Variants in WBP2NL observed in about 807,000 individuals in gnomAD.
WBP2NL encodes postacrosomal sheath WW domain-binding protein.
A neutral mutation model predicts 23.3 loss-of-function variants in WBP2NL; 27 were observed. That is an observed-to-expected ratio of 1.16 (90% confidence interval 0.85 to 1.60). The LOEUF is 1.60. Among genes scored for constraint, WBP2NL ranks in the 40% most tolerant of loss-of-function variants. The pLI is 0.00. For missense variants in WBP2NL, 370 were observed against 389.5 expected (o/e 0.95, Z 0.42); for synonymous variants, 151 against 145.9 (o/e 1.03, Z -0.25).
At chr22:42,056,125 T>C (rs1452732974) in intron 8 of WBP2NL, among the ~76,000 whole-genome samples, 1 of 152,228 alleles carries the variant, frequency 6.6e-6, no homozygotes, top group African/African-American at 2.4e-5. Flanking sequence ...CTGCCTTTTT[T>C]GTGTTAGACA....
chr22:42,055,051 T>A (rs1925981067), intron 8 of WBP2NL, among the ~76,000 whole-genome samples: 1 of 152,188 alleles, frequency 6.6e-6, no homozygotes, highest in African/African-American at 2.4e-5. Context: ...CTTTTCTTTT[T>A]TTTCTTGAGA....
At chr22:42,050,894 G>A (rs1241694471) in intron 8 of WBP2NL, among the ~76,000 whole-genome samples, 1 of 152,178 alleles carries the variant, frequency 6.6e-6, no homozygotes, top group African/African-American at 2.4e-5. Flanking sequence ...ATTGCTTCCT[G>A]GGAGTACAAA....
At chr22:42,013,308 C>T (rs1203873497) in intron 1 of WBP2NL, among the ~76,000 whole-genome samples, 1 of 151,568 alleles carries the variant, frequency 6.6e-6, no homozygotes, top group East Asian at 1.9e-4. Context: ...ATCACTTGAA[C>T]CTGGGAGGTG....
At chr22:42,049,705 CAAAAAAAAA>C (rs1158837575) in intron 8 of WBP2NL, among the ~76,000 whole-genome samples, 32 of 37,484 alleles carry the variant, frequency 8.5e-4, no homozygotes, top group South Asian at 5.3e-3. Flanking sequence ...CAAAACAAAA[CAAAAAAAAA>C]AAAAAAAAAA....
chr22:42,038,325 C>A (rs1329000895), intron 8 of WBP2NL, among the ~76,000 whole-genome samples: 5 of 151,906 alleles, frequency 3.3e-5, no homozygotes, highest in African/African-American at 1.2e-4. Context: ...TGGATAAATC[C>A]CACTCTATCA....
intron 5 of WBP2NL, among the ~76,000 whole-genome samples, chr22:42,023,688 G>A (rs1420453569): frequency 6.6e-6 from 1 of 151,638 alleles, no homozygotes; most frequent in Admixed American, 6.6e-5. Flanking sequence ...GTAGAGACGG[G>A]ATTTCACTGT....
chr22:42,042,881 G>C (rs1925445222), intron 8 of WBP2NL, among the ~76,000 whole-genome samples: 1 of 152,078 alleles, frequency 6.6e-6, no homozygotes, highest in Non-Finnish European at 1.5e-5. Context: ...GGGCAACACG[G>C]TGAAACCCTG....
chr22:42,034,599 C>G (rs1043884398), downstream of WBP2NL, among the ~76,000 whole-genome samples: 18 of 152,306 alleles, frequency 1.2e-4, no homozygotes, highest in Non-Finnish European at 2.2e-4. Flanking sequence ...ATCACCCGGT[C>G]TGACCAAAGT....
chr22:42,041,481 T>TAAAA (rs35848343), intron 8 of WBP2NL, among the ~76,000 whole-genome samples: 2,917 of 112,648 alleles, frequency 0.026, 130 homozygotes, highest in African/African-American at 0.1. Context: ...GTTCTGTCTT[T>TAAAA]AAAAAAAAAA....
In WBP2NL at chr22:42,009,150, A is replaced by G. The variant is rs1011728213; in HGVS notation, c.63-10161A>G. Among the ~76,000 whole-genome samples, 3 of 152,314 alleles carry G rather than the reference A, an allele frequency of 2.0e-5. No homozygotes were observed. The East Asian group carries it at 5.8e-4, about 29-fold the overall frequency. On this transcript the variant is annotated intron_variant, in intron 1 of 5. Coordinates refer to ENST00000328823, the MANE Select transcript of WBP2NL (RefSeq NM_152613.3). ...TGGCTGGTCTTGAACTACTGACCTCAGTTGATCCACCCACCTTGGCCTTGT... is the reference window on the plus strand; with the variant it reads ...TGGCTGGTCTTGAACTACTGACCTCGGTTGATCCACCCACCTTGGCCTTGT...
intron 2 of WBP2NL, 58 bp downstream of exon 2, chr22:42,019,477 T>G: frequency 6.3e-7 from 1 of 1,577,486 alleles, no homozygotes; most frequent in Non-Finnish European, 8.7e-7. Context: ...TTCCTTGAAA[T>G]GAAGAAAACT....
At chr22:42,023,267 C>T (rs985954138) in intron 5 of WBP2NL, among the ~76,000 whole-genome samples, 4 of 151,796 alleles carry the variant, frequency 2.6e-5, no homozygotes, top group African/African-American at 4.8e-5. Flanking sequence ...CCCCTGCAGC[C>T]TCGACCCCCT....
chr22:42,036,027 G>A (rs760674112), downstream of WBP2NL, among the ~76,000 whole-genome samples: 21 of 152,284 alleles, frequency 1.4e-4, no homozygotes, highest in Non-Finnish European at 2.6e-4. Context: ...TGTTTTGTAT[G>A]TGTGTATAAT....
downstream of WBP2NL, among the ~76,000 whole-genome samples, chr22:42,036,090 C>G (rs1216843527): frequency 1.3e-5 from 2 of 152,148 alleles, no homozygotes; most frequent in Non-Finnish European, 2.9e-5. Context: ...GTTTCCATAT[C>G]TTGACTGTCG....
At chr22:42,049,700 C>CAAAAAAAA (rs1569455123) in intron 8 of WBP2NL, among the ~76,000 whole-genome samples, 1 of 36,492 alleles carries the variant, frequency 2.7e-5, no homozygotes, top group African/African-American at 9.8e-5. Flanking sequence ...CAAAACAAAA[C>CAAAAAAAA]AAAACAAAAA....
intron 5 of WBP2NL, among the ~76,000 whole-genome samples, chr22:42,025,969 G>T (rs1303915684): frequency 6.6e-6 from 1 of 152,064 alleles, no homozygotes; most frequent in Admixed American, 6.6e-5. Flanking sequence ...AAAAGAGCCA[G>T]ATTTAAAAAA....
In WBP2NL at chr22:42,019,269, T is replaced by A. The variant is rs377380175; in HGVS notation, c.63-42T>A. The A allele has an allele frequency of 3.3e-6, 5 of 1,530,268 alleles. No individual in the cohort carries two copies. The African/African-American group carries it at 7.0e-5, about 21-fold the overall frequency. 94.8% of individuals were successfully genotyped at this position (1,530,268 alleles called of 1,614,324 possible). ...AGAACTTTATGTGTGTCATTTTACATACATTCTTTATTGTGTGCCGTCTGT... is the reference window on the plus strand; with the variant it reads ...AGAACTTTATGTGTGTCATTTTACAAACATTCTTTATTGTGTGCCGTCTGT... On this transcript the variant is annotated intron_variant, in intron 1 of 5. Transcript: ENST00000328823.
At position 42,019,688 on chromosome 22, in the gene WBP2NL, CA is replaced by C; in HGVS notation, c.199del (p.Ser67ValfsTer8). Reference sequence around the variant, plus strand: ...TGATTTTCATAACTTCATGCTCCATCAGTGATCCCATGTTGTCTTTTATGAT... The same window carrying C: ...TGATTTTCATAACTTCATGCTCCATCGTGATCCCATGTTGTCTTTTATGAT... ...RVIFITSCSI[S>X]DPMLSFMMPF... On this transcript the variant is annotated frameshift_variant, in exon 3 of 6. Transcript: ENST00000328823. LOFTEE classifies it high-confidence loss of function. The C allele has an allele frequency of 6.2e-7, 1 of 1,614,142 alleles. No homozygotes were observed. Among genetic ancestry groups the C allele is most frequent in the African/African-American group, 1.3e-5 (1 of 75,038 alleles).
rs767045441 is a variant in WBP2NL, at chr22:42,019,324, T to C, written c.76T>C (p.Ser26Pro). The C allele has an allele frequency of 1.2e-6, 2 of 1,613,990 alleles. No individual in the cohort carries two copies. The highest frequency in any genetic ancestry group is 1.7e-6 in the Non-Finnish European group (2 of 1,179,980). The part of the protein sequence containing the change: ...IPNGESLLKR[S>P]PNVELSFPQR... The stretch of plus-strand genomic sequence containing the variant: ...CATTTTCTACAGTCTCTTGAAGCGG[T>C]CTCCGAATGTGGAGCTCTCCTTCCC... The change falls in exon 2 of 6, where the codon TCT becomes CCT. Residue 26 changes from serine (S) to proline (P), a missense_variant. Ser to Pro is a moderately conservative substitution (Grantham distance 74). Transcript: ENST00000328823.
Sources: gnomAD v4.1 joint callset for allele counts (sites outside exome capture counted in the v4.1 genomes callset) on GRCh38, gnomAD v4.1.1 for gene constraint, MANE v1.5 for transcripts, NCBI Gene and HGNC (gene_info 2026-07-23, HGNC 2026-07-21) for gene names.